Variants in IL13RA1 observed in about 807,000 individuals in gnomAD.
IL13RA1 encodes the protein interleukin-13 receptor subunit alpha-1.
A neutral mutation model predicts 33.8 loss-of-function variants in IL13RA1; 14 were observed. The ratio of observed to expected loss-of-function variants is 0.41; its 90% CI spans 0.27 to 0.65. The LOEUF (loss-of-function observed/expected upper bound fraction) is 0.65, where lower values mean the gene tolerates loss of function less well. Among genes scored for constraint, IL13RA1 ranks in the 30% least tolerant of loss-of-function variants. The probability of loss-of-function intolerance (pLI) is 0.28; values close to 1 mark genes in which losing one functional copy is unlikely to be tolerated. For synonymous variants in IL13RA1, 116 were observed against 115.7 expected, an observed-to-expected ratio of 1.00 and a Z score of -0.02; for missense variants, 313 against 327.0, an observed-to-expected ratio of 0.96 and a Z score of 0.33.
the IL13RA1 span, among the ~76,000 whole-genome samples, chrX:118,800,762 G>A: frequency 1.8e-5 from 2 of 110,922 alleles, no homozygotes; most frequent in Non-Finnish European, 3.8e-5. Context: ...ATACCACCAT[G>A]CCCAGCTAAG....
At chrX:118,751,740 T>G (rs960154629) in intron 4 of IL13RA1, among the ~76,000 whole-genome samples, 1 of 110,569 alleles carries the variant, frequency 9.0e-6, no homozygotes, top group Non-Finnish European at 1.9e-5. Flanking sequence ...TTGTTAAGAC[T>G]TCTTCTGAGA....
At chrX:118,799,374 C>T (rs1251559053), downstream of IL13RA1, among the ~76,000 whole-genome samples, 8 of 113,410 alleles carry the variant, frequency 7.1e-5, no homozygotes, top group Admixed American at 7.4e-4. Context: ...GCAGCTCCAC[C>T]TGCAGCCCCT....
At chrX:118,774,156 T>C (rs912875511) in intron 9 of IL13RA1, among the ~76,000 whole-genome samples, 181 bp downstream of exon 9, 2 of 107,261 alleles carry the variant, frequency 1.9e-5, no homozygotes, top group South Asian at 4.1e-4. Context: ...TCTTTTCTTT[T>C]TTTTTTTTTT....
At chrX:118,795,431 G>A (rs2018024987), downstream of IL13RA1, among the ~76,000 whole-genome samples, 1 of 111,009 alleles carries the variant, frequency 9.0e-6, no homozygotes, top group Non-Finnish European at 1.9e-5. Flanking sequence ...CCAAACCCTA[G>A]GGAAAGAGTG....
intron 4 of IL13RA1, among the ~76,000 whole-genome samples, chrX:118,755,171 A>G (rs1463044488): frequency 3.8e-5 from 4 of 106,623 alleles, no homozygotes; most frequent in Non-Finnish European, 7.7e-5. Context: ...CCGGTCTGGA[A>G]CTCCTGACCT....
At chrX:118,790,855 A>G (rs1261507518) in intron 10 of IL13RA1, among the ~76,000 whole-genome samples, 1 of 112,113 alleles carries the variant, frequency 8.9e-6, no homozygotes. Context: ...TCTGTGCAGA[A>G]AACGAGCTTA....
At chrX:118,798,830 C>T (rs922262328), downstream of IL13RA1, among the ~76,000 whole-genome samples, 6 of 113,002 alleles carry the variant, frequency 5.3e-5, no homozygotes, top group Admixed American at 9.3e-5. Flanking sequence ...TCGGCGCCTC[C>T]TCTGCCTGGG....
At chrX:118,746,537 T>C (rs1309537779) in intron 2 of IL13RA1, among the ~76,000 whole-genome samples, 2 of 111,956 alleles carry the variant, frequency 1.8e-5, no homozygotes, top group South Asian at 7.4e-4. Context: ...AGAGTTGATA[T>C]GTTAGCATTG....
downstream of IL13RA1, among the ~76,000 whole-genome samples, chrX:118,794,971 C>T (rs1041798891): frequency 3.6e-5 from 4 of 110,828 alleles, no homozygotes; most frequent in East Asian, 2.8e-4. Flanking sequence ...GCCTGTAATC[C>T]CAGCACTTTG....
chrX:118,770,252 C>T (rs1313100122), intron 8 of IL13RA1: 1 of 322,895 alleles, frequency 3.1e-6, no homozygotes. Flanking sequence ...GCCTGCCCAT[C>T]GTGCACCCTG....
intron 6 of IL13RA1, among the ~76,000 whole-genome samples, chrX:118,763,717 C>A (rs1050057631): frequency 8.9e-6 from 1 of 112,036 alleles, no homozygotes; most frequent in African/African-American, 3.2e-5. Context: ...GTCAGTAACA[C>A]TTCAAAGGTT....
intron 9 of IL13RA1, 125 bp downstream of exon 9, chrX:118,774,100 C>T (rs974915278): frequency 4.8e-6 from 2 of 413,838 alleles, no homozygotes; most frequent in Non-Finnish European, 8.4e-6. Flanking sequence ...AAGTGGCTTT[C>T]GGGAGTATGA....
intron 10 of IL13RA1, among the ~76,000 whole-genome samples, chrX:118,782,122 G>A (rs1191090709): frequency 9.0e-6 from 1 of 110,870 alleles, no homozygotes; most frequent in African/African-American, 3.3e-5. Context: ...ACCGAGGCTG[G>A]AGGGCAGTGA....
At chrX:118,779,842 A>G (rs943865615) in intron 10 of IL13RA1, among the ~76,000 whole-genome samples, 2 of 111,632 alleles carry the variant, frequency 1.8e-5, no homozygotes, top group African/African-American at 6.5e-5. Context: ...AAATAATTTC[A>G]AGTTTTCAAG....
intron 10 of IL13RA1, among the ~76,000 whole-genome samples, chrX:118,790,820 T>G (rs1468307219): frequency 8.9e-6 from 1 of 112,252 alleles, no homozygotes; most frequent in Non-Finnish European, 1.9e-5. Flanking sequence ...CTGTTTTTCT[T>G]CTTTCCATTT....
At chrX:118,751,037 C>A (rs2017464747) in intron 4 of IL13RA1, among the ~76,000 whole-genome samples, 2 of 111,691 alleles carry the variant, frequency 1.8e-5, no homozygotes, top group Non-Finnish European at 3.8e-5. Flanking sequence ...GAACTCCTGG[C>A]CTCAAGTGAT....
chrX:118,781,632 G>A (rs1309609189), intron 10 of IL13RA1, among the ~76,000 whole-genome samples: 7 of 112,897 alleles, frequency 6.2e-5, no homozygotes, highest in African/African-American at 1.6e-4. Context: ...GATTACAGGC[G>A]TGAGCCACCA....
intron 8 of IL13RA1, among the ~76,000 whole-genome samples, chrX:118,768,845 C>A (rs1027980188): frequency 7.1e-5 from 8 of 111,999 alleles, no homozygotes; most frequent in Non-Finnish European, 1.1e-4. Context: ...GGGAGCATAG[C>A]CCTGCTGACA....
downstream of IL13RA1, among the ~76,000 whole-genome samples, chrX:118,795,375 C>T (rs1383606820): frequency 1.8e-5 from 2 of 111,192 alleles, no homozygotes; most frequent in African/African-American, 3.3e-5. Context: ...AGGAGTGTGT[C>T]TTCAGCCAGA....
Sources: gnomAD v4.1 joint callset for allele counts (sites outside exome capture counted in the v4.1 genomes callset) on GRCh38, gnomAD v4.1.1 for gene constraint, MANE v1.5 for transcripts, NCBI Gene and HGNC (gene_info 2026-07-23, HGNC 2026-07-21) for gene names.